Variants in CD6 observed in about 807,000 individuals in gnomAD.
CD6 encodes CD6 molecule.
Under a neutral mutation model 75.3 loss-of-function variants are expected in CD6, and 53 were observed. The ratio of observed to expected loss-of-function variants is 0.70; its 90% CI spans 0.56 to 0.88. The LOEUF (loss-of-function observed/expected upper bound fraction) is 0.88. Among genes scored for constraint, CD6 ranks in the 40% least tolerant of loss-of-function variants. The pLI, the probability that CD6 is intolerant of heterozygous loss-of-function variation, is 0.00. For missense variants in CD6, 770 were observed against 897.1 expected (o/e 0.86, Z 1.81); for synonymous variants, 359 against 381.5 (o/e 0.94, Z 0.69).
At position 61,015,744 on chromosome 11, in the gene CD6, GC is replaced by G; in HGVS notation, c.1424del (p.Pro475LeufsTer25). ...FMLPIQVQAPPPEDSDSGSDS... is the reference protein window; with the variant it reads ...FMLPIQVQAPXPEDSDSGSDS... Reference sequence around the variant, plus strand: ...TGCTGCCCATCCAGGTCCAGGCCCCGCCCCCTGAGGACTCAGACTCTGGCTC... The same window carrying G: ...TGCTGCCCATCCAGGTCCAGGCCCCGCCCCTGAGGACTCAGACTCTGGCTC... On this transcript the variant is annotated frameshift_variant, in exon 9 of 13. Transcript: ENST00000313421. LOFTEE classifies it high-confidence loss of function. 1.2e-6 allele frequency: 2 copies of G among 1,613,980 alleles called. No individual in the cohort carries two copies. The highest frequency in any genetic ancestry group is 1.7e-6 in the Non-Finnish European group (2 of 1,179,982).
intron 1 of CD6, among the ~76,000 whole-genome samples, chr11:60,998,806 A>G (rs1858427272): frequency 6.9e-6 from 1 of 145,406 alleles, no homozygotes; most frequent in Non-Finnish European, 1.5e-5. Context: ...TTTAATTTTT[A>G]TTTGATATAG....
intron 1 of CD6, among the ~76,000 whole-genome samples, chr11:60,978,991 T>G (rs1175096450): frequency 2.0e-5 from 3 of 152,194 alleles, no homozygotes; most frequent in East Asian, 3.8e-4. Context: ...GTTAACATAG[T>G]GCTGTTTGCA....
At chr11:60,981,869 T>C (rs1857571402) in intron 1 of CD6, among the ~76,000 whole-genome samples, 1 of 152,060 alleles carries the variant, frequency 6.6e-6, no homozygotes, top group Non-Finnish European at 1.5e-5. Flanking sequence ...TGCTGAGAGA[T>C]AGGGAGATGG....
chr11:60,985,745 C>T (rs1857788481), intron 1 of CD6, among the ~76,000 whole-genome samples: 2 of 152,132 alleles, frequency 1.3e-5, no homozygotes, highest in Admixed American at 1.3e-4. Context: ...GTTGCTTGAG[C>T]CCAGGAGTTC....
chr11:60,998,607 C>T (rs1858414895), intron 1 of CD6, among the ~76,000 whole-genome samples: 1 of 152,126 alleles, frequency 6.6e-6, no homozygotes, highest in Non-Finnish European at 1.5e-5. Context: ...GCCACATGAG[C>T]TCTTCAATTC....
chr11:60,980,044 G>T (rs1454599210), intron 1 of CD6, among the ~76,000 whole-genome samples: 1 of 152,264 alleles, frequency 6.6e-6, no homozygotes, highest in East Asian at 1.9e-4. Flanking sequence ...TTTTATGGGT[G>T]GAGAAACTGA....
rs746611125 is a variant in CD6, at chr11:61,009,594, A to G, written c.804A>G (p.Thr268=). 3 of 1,609,122 alleles carry G rather than the reference A, an allele frequency of 1.9e-6. No individual in the cohort carries two copies. Among genetic ancestry groups the G allele is most frequent in the African/African-American group, 1.3e-5 (1 of 74,846 alleles). The part of the protein sequence containing the change: ...VCSEHQSWRL[T]GGADRCEGQV... ...CAGAGCACCAGTCCTGGCGCCTGACAGGGGGCGCTGACCGCTGCGAGGGGC... is the reference window on the plus strand; with the variant it reads ...CAGAGCACCAGTCCTGGCGCCTGACGGGGGGCGCTGACCGCTGCGAGGGGC... The change falls in exon 5 of 13, where the codon ACA becomes ACG. Residue 268 remains threonine (T), a synonymous_variant. Coordinates refer to ENST00000313421, the MANE Select transcript of CD6 (RefSeq NM_006725.5).
intron 1 of CD6, 44 bp downstream of exon 1, chr11:60,971,958 C>T: frequency 6.3e-7 from 1 of 1,591,600 alleles, no homozygotes. Context: ...GCTGGAGGAG[C>T]CGGGTCCGGC....
At chr11:60,986,422 C>G (rs1857818161) in intron 1 of CD6, among the ~76,000 whole-genome samples, 1 of 152,150 alleles carries the variant, frequency 6.6e-6, no homozygotes, top group Non-Finnish European at 1.5e-5. Context: ...TCCGCCATGA[C>G]CTTGGGCAAG....
intron 1 of CD6, among the ~76,000 whole-genome samples, chr11:60,975,054 T>C (rs1300280716): frequency 2.0e-5 from 3 of 152,204 alleles, no homozygotes; most frequent in Non-Finnish European, 1.5e-5. Context: ...TTGAAAAAAA[T>C]AGTAATTCTT....
intron 6 of CD6, among the ~76,000 whole-genome samples, chr11:61,011,458 A>G (rs993019008): frequency 1.3e-5 from 2 of 152,122 alleles, no homozygotes; most frequent in Admixed American, 6.5e-5. Flanking sequence ...AGCAGGGGTC[A>G]GGGTCGGGGC....
chr11:60,989,275 G>A (rs760151304), intron 1 of CD6: 6 of 152,224 alleles, frequency 3.9e-5, no homozygotes, highest in Non-Finnish European at 7.3e-5. Context: ...TCACAAGGTA[G>A]CCATGAGGCA....
chr11:61,016,044 C>T (rs1175416634), intron 9 of CD6, among the ~76,000 whole-genome samples: 3 of 152,252 alleles, frequency 2.0e-5, no homozygotes, highest in Non-Finnish European at 2.9e-5. Context: ...TGTCTCAGGA[C>T]ATCTCCACTC....
At chr11:60,979,561 G>A (rs1410682642) in intron 1 of CD6, among the ~76,000 whole-genome samples, 2 of 151,916 alleles carry the variant, frequency 1.3e-5, no homozygotes, top group African/African-American at 4.8e-5. Flanking sequence ...CCGCCTCCCA[G>A]GTTCAAGCAA....
intron 1 of CD6, among the ~76,000 whole-genome samples, chr11:60,996,743 A>G (rs1331159873): frequency 3.9e-5 from 6 of 152,200 alleles, no homozygotes; most frequent in Admixed American, 3.9e-4. Flanking sequence ...AGTGCTCCAG[A>G]GCAGCAGCTG....
At chr11:61,005,957 GA>G (rs1235553722) in intron 1 of CD6, among the ~76,000 whole-genome samples, 3 of 151,478 alleles carry the variant, frequency 2.0e-5, no homozygotes, top group Admixed American at 6.6e-5. Context: ...AAGAAAGAAA[GA>G]AAGTAAATGG....
At position 61,013,963 on chromosome 11, in the gene CD6, C is replaced by T. The variant is rs368928420; in HGVS notation, c.1336C>T (p.Pro446Ser). 3.7e-6 allele frequency: 6 copies of T among 1,613,722 alleles called. No homozygotes were observed. The African/African-American group carries it at 4.0e-5, about 11-fold the overall frequency. ...CCACCAGCACCTACCCACCACCATCCCGGCAGGGAGCAATAGCTATCAACC... is the reference window on the plus strand; with the variant it reads ...CCACCAGCACCTACCCACCACCATCTCGGCAGGGAGCAATAGCTATCAACC... ...VNHQHLPTTIPAGSNSYQPVP... is the reference protein window; with the variant it reads ...VNHQHLPTTISAGSNSYQPVP... The change falls in exon 8 of 13, where the codon CCG (proline) becomes TCG (serine). Residue 446 changes from proline to serine, a missense_variant. Physicochemically the swap from Pro to Ser is moderately conservative, Grantham distance 74. Transcript: ENST00000313421.
chr11:61,007,878 G>T lies in CD6; in HGVS notation c.437G>T (p.Ser146Ile). The T allele has an allele frequency of 7.3e-7, 1 of 1,378,270 alleles. No individual in the cohort carries two copies. Among genetic ancestry groups the T allele is most frequent in the Non-Finnish European group, 9.3e-7 (1 of 1,071,614 alleles). The allele number at this position is 1,378,270 out of a possible 1,614,324, so 85.4% of individuals were successfully genotyped here. Reference protein sequence around the residue: ...LCEVVEHACRSDGRRARVTCA... With the variant: ...LCEVVEHACRIDGRRARVTCA... ...GAGGTGGTGGAGCACGCGTGCCGCA[G>T]CGACGGGAGGCGGGCCCGTGTCACC... The change falls in exon 3 of 13, where the codon AGC (serine) becomes ATC (isoleucine). Residue 146 changes from serine (S) to isoleucine (I), a missense_variant. Ser to Ile is a moderately radical substitution (Grantham distance 142). Coordinates refer to ENST00000313421, the MANE Select transcript of CD6 (RefSeq NM_006725.5). The surrounding 1 kb of genome is among the most constrained non-coding windows in gnomAD (Gnocchi z 4.2).
chr11:61,016,007 T>C (rs1209039730), intron 9 of CD6, among the ~76,000 whole-genome samples, 172 bp downstream of exon 9: 1 of 152,226 alleles, frequency 6.6e-6, no homozygotes, highest in African/African-American at 2.4e-5. Context: ...GTTTGCACCG[T>C]GCTTTGTGAC....
Sources: gnomAD v4.1 joint callset for allele counts (sites outside exome capture counted in the v4.1 genomes callset) on GRCh38, gnomAD v4.1.1 for gene constraint, Gnocchi (gnomAD v3.1) non-coding constraint, MANE v1.5 for transcripts, NCBI Gene and HGNC (gene_info 2026-07-23, HGNC 2026-07-21) for gene names.